LDHA: variants seen among roughly 807,000 people sequenced by gnomAD.
LDHA encodes the protein L-lactate dehydrogenase A chain.
LDHA carries 10 observed loss-of-function variants against 36.3 expected under a neutral mutation model. The ratio of observed to expected loss-of-function variants is 0.28; its 90% CI spans 0.17 to 0.47. LDHA has a LOEUF of 0.47. LDHA is among the 20% of genes least tolerant of loss of function. The pLI is 0.99. For synonymous variants in LDHA, 110 were observed against 136.7 expected, an observed-to-expected ratio of 0.80 and a Z score of 1.36; for missense variants, 267 against 405.8, an observed-to-expected ratio of 0.66 and a Z score of 2.94.
rs776461335 is a variant in LDHA at position 18,396,879 on chromosome 11, C to T, written c.37C>T (p.Leu13=). The T allele has an allele frequency of 6.2e-7, 1 of 1,613,554 alleles. No individual in the cohort carries two copies. The highest frequency in any genetic ancestry group is 1.3e-5 in the African/African-American group (1 of 74,888). Residue 13 remains leucine, a synonymous_variant, in exon 2 of 8, where the codon CTA becomes TTA. Coordinates refer to ENST00000422447, the MANE Select transcript of LDHA (RefSeq NM_005566.4). ...TLKDQLIYNL[L]KEEQTPQNKI... is the part of the protein sequence containing the mutation. ...AAAGGATCAGCTGATTTATAATCTT[C>T]TAAAGGAAGAACAGACCCCCCAGAA...
At chr11:18,403,896 T>C in intron 6 of LDHA, 85 bp downstream of exon 6, 2 of 846,628 alleles carry the variant, frequency 2.4e-6, no homozygotes, top group African/African-American at 1.7e-5. Context: ...AGTATTTGCA[T>C]TTGAGAACTT....
Position 18,396,963 on chromosome 11 carries a change from A to G in LDHA, c.121A>G (p.Met41Val), listed in dbSNP as rs753917384. 12 of 1,614,034 alleles carry G rather than the reference A, an allele frequency of 7.4e-6. No individual in the cohort carries two copies. Among genetic ancestry groups the G allele is most frequent in the Admixed American group, 5.0e-5 (3 of 59,990 alleles). ...CATGGCCTGTGCCATCAGTATCTTA[A>G]TGAAGGTAAGTGAGAGTCTACCACA... The part of the protein sequence containing the change: ...VGMACAISIL[M>V]KDLADELALV... The change falls in exon 2 of 8, where the codon ATG (methionine) becomes GTG (valine). Residue 41 changes from methionine to valine, a missense_variant. Coordinates refer to ENST00000422447, the MANE Select transcript of LDHA (RefSeq NM_005566.4).
chr11:18,399,776 G>A, intron 3 of LDHA: 2 of 471,758 alleles, frequency 4.2e-6, no homozygotes, highest in Admixed American at 3.2e-5. Flanking sequence ...TTTACTTTTT[G>A]TAGAGATGGG....
intron 4 of LDHA, 25 bp downstream of exon 4, chr11:18,401,035 T>C: frequency 6.4e-7 from 1 of 1,555,600 alleles, no homozygotes; most frequent in South Asian, 1.1e-5. Context: ...TGCATAAAAA[T>C]TGACAAGCTA....
chr11:18,401,951 T>TTCTCTCTC (rs1234424801), intron 4 of LDHA, among the ~76,000 whole-genome samples: 2 of 101,618 alleles, frequency 2.0e-5, no homozygotes, highest in African/African-American at 3.4e-5. Context: ...ATAATTGTTA[T>TTCTCTCTC]TCTCTTTTTT....
intron 6 of LDHA, among the ~76,000 whole-genome samples, chr11:18,404,807 C>CA (rs10684351): frequency 2.4e-5 from 3 of 125,582 alleles, no homozygotes; most frequent in Non-Finnish European, 3.4e-5. Context: ...GACTCCGTCT[C>CA]AAAAAAAAAA....
Position 18,402,718 on chromosome 11 carries a change from G to A in LDHA, c.419-122G>A, listed in dbSNP as rs533049105. 3 of 778,064 alleles carry A rather than the reference G, an allele frequency of 3.9e-6. No homozygotes were observed. The South Asian group carries it at 4.2e-5, about 11-fold the overall frequency. 48.2% of individuals were successfully genotyped at this position (778,064 alleles called of 1,614,324 possible). A position where few individuals can be genotyped will look rare whatever the true frequency, so the allele number is the denominator to read the frequency against. ...GATCCTGAAAAGCCATATATCTGGAGTAGCCTATTATTATCTAATGATCAC... is the reference window on the plus strand; with the variant it reads ...GATCCTGAAAAGCCATATATCTGGAATAGCCTATTATTATCTAATGATCAC... On this transcript the variant is annotated intron_variant, in intron 4 of 7. Transcript: ENST00000422447.
At chr11:18,398,603 C>CTTTTTT (rs35254161) in intron 2 of LDHA, 2 of 28,628 alleles carry the variant, frequency 7.0e-5, no homozygotes, top group Non-Finnish European at 1.5e-4. Context: ...CCAGGCTGGT[C>CTTTTTT]TTTTTTTTTT....
In LDHA at chr11:18,407,426, A is replaced by C; in HGVS notation, c.*145A>C. Reference sequence around the variant, plus strand: ...GGGAAAAACATCAACTCCTGAAGTTAGAAATAAGAATGGTTTGTAAAATCC... The same window carrying C: ...GGGAAAAACATCAACTCCTGAAGTTCGAAATAAGAATGGTTTGTAAAATCC... On this transcript the variant is annotated 3_prime_UTR_variant, in exon 8 of 8. Coordinates refer to ENST00000422447, the MANE Select transcript of LDHA (RefSeq NM_005566.4). 6.7e-7 allele frequency: 1 copy of C among 1,501,686 alleles called. No homozygotes were observed. Among genetic ancestry groups the C allele is most frequent in the Non-Finnish European group, 9.1e-7 (1 of 1,100,292 alleles). 93.0% of individuals were successfully genotyped at this position (1,501,686 alleles called of 1,614,324 possible). A position where few individuals can be genotyped will look rare whatever the true frequency, so the allele number is the denominator to read the frequency against.
chr11:18,404,765 G>A (rs896761458), intron 6 of LDHA, among the ~76,000 whole-genome samples: 10 of 139,830 alleles, frequency 7.2e-5, no homozygotes, highest in East Asian at 2.1e-4. Context: ...CCGAGATCGC[G>A]CCACTGCACT....
intron 6 of LDHA, among the ~76,000 whole-genome samples, chr11:18,404,105 T>C (rs1866592039): frequency 6.6e-6 from 1 of 151,058 alleles, no homozygotes; most frequent in Non-Finnish European, 1.5e-5. Context: ...TAATTTTTTG[T>C]ATTTTTAGTA....
chr11:18,403,974 A>G (rs1306540605), intron 6 of LDHA, among the ~76,000 whole-genome samples, 163 bp downstream of exon 6: 1 of 152,200 alleles, frequency 6.6e-6, no homozygotes, highest in Non-Finnish European at 1.5e-5. Flanking sequence ...CCTTTCGCAC[A>G]GGCTGCAGTG....
rs777990671 is a variant in LDHA, at chr11:18,399,404, TTTAA to T, written c.127-26_127-23del. On this transcript the variant is annotated intron_variant, in intron 2 of 7. Coordinates refer to ENST00000422447, the MANE Select transcript of LDHA (RefSeq NM_005566.4). ...AAAATCTAGAAGTGGCAATTTTCCA[TTTAA>T]CTAAAGATTTGATGTCTTTTAGGAC... 2.6e-6 allele frequency: 4 copies of T among 1,518,408 alleles called. No individual in the cohort carries two copies. In the East Asian group the frequency reaches 9.0e-5, roughly 34 times the overall value. 94.1% of individuals were successfully genotyped at this position (1,518,408 alleles called of 1,614,324 possible).
chr11:18,401,473 C>CTTTAT (rs1866494608), intron 4 of LDHA, among the ~76,000 whole-genome samples: 4 of 68,588 alleles, frequency 5.8e-5, no homozygotes, highest in African/African-American at 5.9e-5. Context: ...ATTTATTTTT[C>CTTTAT]TTTTTTTTTT....
In LDHA at chr11:18,407,520, C is replaced by A; in HGVS notation, c.*239C>A. ...TTCAACTGGTTAGTGTGAAATAGTT[C>A]TGCCACCTCTGACGCACCACTGCCA... On this transcript the variant is annotated 3_prime_UTR_variant, in exon 8 of 8. Coordinates refer to ENST00000422447, the MANE Select transcript of LDHA (RefSeq NM_005566.4). 2.4e-6 allele frequency: 2 copies of A among 817,372 alleles called. No individual in the cohort carries two copies. Among genetic ancestry groups the A allele is most frequent in the Middle Eastern group, 3.4e-4 (1 of 2,952 alleles). 50.6% of individuals were successfully genotyped at this position (817,372 alleles called of 1,614,324 possible).
chr11:18,401,129 A>G (rs925225374), intron 4 of LDHA, 119 bp downstream of exon 4: 1 of 408,236 alleles, frequency 2.4e-6, no homozygotes, highest in Non-Finnish European at 3.7e-6. Flanking sequence ...TTTTAAAAAT[A>G]TTTTCGAATA....
At chr11:18,401,955 C>CTCTCTTGTTTTTTTTTTTTT (rs59534512) in intron 4 of LDHA, among the ~76,000 whole-genome samples, 1 of 52,256 alleles carries the variant, frequency 1.9e-5, no homozygotes. Context: ...TTGTTATTCT[C>CTCTCTTGTTTTTTTTTTTTT]TTTTTTTTTT....
chr11:18,396,428 T>C (rs1866304699), intron 1 of LDHA: 3 of 436,178 alleles, frequency 6.9e-6, no homozygotes. Flanking sequence ...ATGGCTTTTC[T>C]GCACGTATCT....
At chr11:18,405,389 TTTTC>T (rs1400603846) in intron 6 of LDHA, 56 bp from the exon 7 acceptor site, 22 of 1,583,366 alleles carry the variant, frequency 1.4e-5, no homozygotes, top group Admixed American at 5.0e-5. Context: ...AAAACTTTGT[TTTTC>T]TTTCTTTCTC....
Sources: gnomAD v4.1 joint callset for allele counts (sites outside exome capture counted in the v4.1 genomes callset) on GRCh38, gnomAD v4.1.1 for gene constraint, MANE v1.5 for transcripts, NCBI Gene and HGNC (gene_info 2026-07-23, HGNC 2026-07-21) for gene names.